The following ABHD17C variants were observed in gnomAD, a reference collection of about 807,000 sequenced individuals.
ABHD17C encodes abhydrolase domain containing 17C, depalmitoylase.
Under a neutral mutation model 27.9 loss-of-function variants are expected in ABHD17C, and 11 were observed. The observed-to-expected ratio is 0.39, with a 90% CI of 0.25 to 0.65. ABHD17C has a LOEUF of 0.65. ABHD17C is among the 30% of genes least tolerant of loss of function. The pLI is 0.45. For missense variants in ABHD17C, 280 were observed against 470.2 expected, an observed-to-expected ratio of 0.60 and a Z score of 3.74; for synonymous variants, 233 against 209.1, an observed-to-expected ratio of 1.11 and a Z score of -0.98.
rs1045640606 is a variant in ABHD17C, at chr15:80,695,459, C to T, written c.30C>T (p.Gly10=). 11 of 1,374,438 alleles carry T rather than the reference C, an allele frequency of 8.0e-6. No homozygotes were observed. Among genetic ancestry groups the T allele is most frequent in the Non-Finnish European group, 1.0e-5 (11 of 1,051,478 alleles). The allele number at this position is 1,374,438 out of a possible 1,614,324, so 85.1% of individuals were successfully genotyped here. The change falls in exon 1 of 3, where the codon GGC becomes GGT. Residue 10 remains glycine, a synonymous_variant. Coordinates refer to ENST00000258884, the MANE Select transcript of ABHD17C (RefSeq NM_021214.2). This position sits in a 1 kb window ranked among gnomAD's most constrained non-coding sequence, Gnocchi z 4.3. MPEPGPRMN[G]FSLGELCWLF... ...CCGAGCCAGGCCCCAGGATGAACGGCTTCTCGCTGGGTGAGCTGTGCTGGC... is the reference window on the plus strand; with the variant it reads ...CCGAGCCAGGCCCCAGGATGAACGGTTTCTCGCTGGGTGAGCTGTGCTGGC...
chr15:80,748,344 T>A (rs1358047914), intron 1 of ABHD17C, among the ~76,000 whole-genome samples: 1 of 152,234 alleles, frequency 6.6e-6, no homozygotes, highest in African/African-American at 2.4e-5. Flanking sequence ...GCTTCAACTT[T>A]TCCAGATAAT....
At chr15:80,740,653 C>T (rs958186043) in intron 1 of ABHD17C, among the ~76,000 whole-genome samples, 4 of 152,034 alleles carry the variant, frequency 2.6e-5, no homozygotes, top group East Asian at 1.9e-4. Flanking sequence ...GTTCTTCTAC[C>T]GCCTCAGCAT....
chr15:80,721,347 C>A (rs1022717260), intron 1 of ABHD17C, among the ~76,000 whole-genome samples: 5 of 151,646 alleles, frequency 3.3e-5, no homozygotes, highest in Non-Finnish European at 7.4e-5. Flanking sequence ...TGTCTGAGTC[C>A]TCTGTGAAAG....
chr15:80,723,885 C>T (rs983842208), intron 1 of ABHD17C, among the ~76,000 whole-genome samples: 4 of 152,298 alleles, frequency 2.6e-5, no homozygotes, highest in South Asian at 2.1e-4. Context: ...GTCCTCCTGA[C>T]GGCCTCTGAG....
chr15:80,719,853 A>G (rs568944580), intron 1 of ABHD17C, among the ~76,000 whole-genome samples: 126 of 152,148 alleles, frequency 8.3e-4, no homozygotes, highest in Non-Finnish European at 1.6e-3. Flanking sequence ...GATGGAGTGC[A>G]GTAGTGTGAT....
chr15:80,697,374 C>CTT (rs1894509434), intron 1 of ABHD17C, among the ~76,000 whole-genome samples: 2 of 152,334 alleles, frequency 1.3e-5, no homozygotes, highest in South Asian at 4.1e-4. Context: ...GTGTCACACA[C>CTT]AGTCTATAGC....
In ABHD17C at chr15:80,695,690, C is replaced by T; in HGVS notation, c.261C>T (p.Cys87=). 1 of 1,519,064 alleles carries T rather than the reference C, an allele frequency of 6.6e-7. No individual in the cohort carries two copies. Among genetic ancestry groups the T allele is most frequent in the Non-Finnish European group, 8.8e-7 (1 of 1,140,788 alleles). The allele number at this position is 1,519,064 out of a possible 1,614,324, so 94.1% of individuals were successfully genotyped here. A position where few individuals can be genotyped will look rare whatever the true frequency, so the allele number is the denominator to read the frequency against. ...GCGCGGGCGCGGGGCCCGGTGCGTG[C>T]AGCCTGCACCTCAGCGAGCGCGCCG... The part of the protein sequence containing the change: ...EEGAGAGPGA[C]SLHLSERADW... Residue 87 remains cysteine (C), a synonymous_variant, in exon 1 of 3, where the codon TGC becomes TGT. Coordinates refer to ENST00000258884, the MANE Select transcript of ABHD17C (RefSeq NM_021214.2). The surrounding 1 kb of genome is among the most constrained non-coding windows in gnomAD (Gnocchi z 4.3).
intron 1 of ABHD17C, among the ~76,000 whole-genome samples, chr15:80,708,935 T>C (rs1328981338): frequency 2.0e-5 from 3 of 152,048 alleles, no homozygotes; most frequent in Non-Finnish European, 2.9e-5. Context: ...GTTGTCTGTA[T>C]TTTAGGAACC....
At position 80,755,046 on chromosome 15, in the gene ABHD17C, C is replaced by CAA. The variant is rs952281111; in HGVS notation, c.*678_*679dup. 2 of 152,140 alleles carry CAA rather than the reference C, an allele frequency of 1.3e-5. No individual in the cohort carries two copies. Among genetic ancestry groups the CAA allele is most frequent in the African/African-American group, 2.4e-5 (1 of 41,412 alleles). The allele number at this position is 152,140 out of a possible 1,614,324, so 9.4% of individuals were successfully genotyped here. A position where few individuals can be genotyped will look rare whatever the true frequency, so the allele number is the denominator to read the frequency against. On this transcript the variant is annotated 3_prime_UTR_variant, in exon 3 of 3. Transcript: ENST00000258884. ...TATTTTGATTGTCTGGTTGGTTTAA[C>CAA]AAAGAGCCTAGCTGACTTTCCTTCT...
At chr15:80,722,109 T>G (rs1894905038) in intron 1 of ABHD17C, among the ~76,000 whole-genome samples, 1 of 152,152 alleles carries the variant, frequency 6.6e-6, no homozygotes. Flanking sequence ...AGTTCTCCAC[T>G]CGATTTTATC....
At chr15:80,753,429 G>A (rs79126176) in intron 2 of ABHD17C, among the ~76,000 whole-genome samples, 4,945 of 152,276 alleles carry the variant, frequency 0.032, 271 homozygotes, top group African/African-American at 0.11. Flanking sequence ...ATGCACCAAC[G>A]TTGGTGTTTT....
intron 1 of ABHD17C, 95 bp downstream of exon 1, chr15:80,696,114 G>T (rs1274693150): frequency 9.9e-6 from 13 of 1,312,048 alleles, no homozygotes; most frequent in Non-Finnish European, 1.3e-5. Flanking sequence ...CAGGAGAGGG[G>T]CCCCTCCTCC....
rs1310478422 is a variant in ABHD17C, at chr15:80,749,712, A to G, written c.770+20A>G. 1.2e-6 allele frequency: 2 copies of G among 1,608,998 alleles called. No individual in the cohort carries two copies. Among genetic ancestry groups the G allele is most frequent in the Non-Finnish European group, 1.7e-6 (2 of 1,175,800 alleles). ...CCCCAGGTAAGTTCATGCTTGTCCA[A>G]CAAGTGGTAAGTCAGCCAATGACTG... On this transcript the variant is annotated intron_variant, in intron 2 of 2. Coordinates refer to ENST00000258884, the MANE Select transcript of ABHD17C (RefSeq NM_021214.2).
intron 1 of ABHD17C, among the ~76,000 whole-genome samples, chr15:80,732,355 G>A (rs548092954): frequency 3.2e-4 from 49 of 152,314 alleles, no homozygotes; most frequent in African/African-American, 9.9e-4. Flanking sequence ...TCCACGTTTA[G>A]TCCATATCCC....
intron 1 of ABHD17C, among the ~76,000 whole-genome samples, chr15:80,729,840 A>G (rs950780409): frequency 1.3e-5 from 2 of 152,192 alleles, no homozygotes; most frequent in African/African-American, 4.8e-5. Flanking sequence ...GGCCGGGTGC[A>G]GTGGCTTACG....
rs1477495070 is a variant in ABHD17C at position 80,695,390 on chromosome 15, G to C, written c.-40G>C. On this transcript the variant is annotated 5_prime_UTR_variant, in exon 1 of 3. Coordinates refer to ENST00000258884, the MANE Select transcript of ABHD17C (RefSeq NM_021214.2). The surrounding 1 kb of genome is among the most constrained non-coding windows in gnomAD (Gnocchi z 4.3). ...TCCGTCCTCCCGGGCCAGCCAGCCAGCCAGCCAGCCGGGCCGGCGGCGGGC... is the reference window on the plus strand; with the variant it reads ...TCCGTCCTCCCGGGCCAGCCAGCCACCCAGCCAGCCGGGCCGGCGGCGGGC... 4 of 1,177,144 alleles carry C rather than the reference G, an allele frequency of 3.4e-6. No individual in the cohort carries two copies. Among genetic ancestry groups the C allele is most frequent in the Non-Finnish European group, 4.2e-6 (4 of 944,590 alleles). The allele number at this position is 1,177,144 out of a possible 1,614,324, so 72.9% of individuals were successfully genotyped here.
intron 1 of ABHD17C, among the ~76,000 whole-genome samples, chr15:80,721,431 C>T (rs550687249): frequency 3.4e-4 from 52 of 152,128 alleles, no homozygotes; most frequent in Admixed American, 5.9e-4. Context: ...AGCCTGGTCA[C>T]TGGCTCAGAT....
chr15:80,752,515 T>G (rs538807599), intron 2 of ABHD17C, among the ~76,000 whole-genome samples: 4 of 152,246 alleles, frequency 2.6e-5, no homozygotes, highest in African/African-American at 9.6e-5. Flanking sequence ...TCCTCCTTGA[T>G]AAAACAGAGG....
intron 1 of ABHD17C, among the ~76,000 whole-genome samples, chr15:80,722,383 A>G (rs1894908984): frequency 6.7e-6 from 1 of 148,966 alleles, no homozygotes; most frequent in South Asian, 2.1e-4. Context: ...AATCTTTTTT[A>G]AAAGAACTGC....
Sources: allele counts gnomAD v4.1 joint callset (sites outside exome capture counted in the v4.1 genomes callset), GRCh38; gene constraint gnomAD v4.1.1; non-coding constraint Gnocchi (gnomAD v3.1); transcripts MANE v1.5; gene names NCBI Gene and HGNC (gene_info 2026-07-23, HGNC 2026-07-21).